Variants in PLXDC2 observed in about 807,000 individuals in gnomAD.
PLXDC2 encodes the protein plexin domain-containing protein 2.
PLXDC2 carries 40 observed loss-of-function variants against 68.9 expected under a neutral mutation model. That is an observed-to-expected ratio of 0.58 (90% confidence interval 0.45 to 0.76). The LOEUF is 0.76. PLXDC2 is among the 30% of genes least tolerant of loss of function. The pLI is 0.00. For synonymous variants in PLXDC2, 243 were observed against 234.2 expected, an observed-to-expected ratio of 1.04 and a Z score of -0.34; for missense variants, 644 against 661.9, an observed-to-expected ratio of 0.97 and a Z score of 0.30.
intron 2 of PLXDC2, among the ~76,000 whole-genome samples, chr10:20,006,322 G>T (rs893525173): frequency 3.3e-5 from 5 of 152,146 alleles, no homozygotes; most frequent in Non-Finnish European, 5.9e-5. Flanking sequence ...TTGTTACAAG[G>T]TCTTGCTTAT....
chr10:19,911,082 C>T (rs1266081089), intron 1 of PLXDC2, among the ~76,000 whole-genome samples: 2 of 151,646 alleles, frequency 1.3e-5, no homozygotes, highest in East Asian at 3.9e-4. Flanking sequence ...AAAGTTTGGA[C>T]CTTCTCGGGG....
At chr10:20,150,261 T>C (rs145851174) in intron 6 of PLXDC2, among the ~76,000 whole-genome samples, 1 of 152,206 alleles carries the variant, frequency 6.6e-6, no homozygotes, top group East Asian at 1.9e-4. Flanking sequence ...TTTGTTTCAA[T>C]AGGTTTTGGG....
At chr10:19,890,676 CTTTTTTT>C (rs56921191) in intron 1 of PLXDC2, among the ~76,000 whole-genome samples, 15 of 61,132 alleles carry the variant, frequency 2.5e-4, no homozygotes, top group Admixed American at 1.1e-3. Context: ...CGCCCGGCTG[CTTTTTTT>C]TTTTTTTTTT....
chr10:19,894,270 T>C (rs372139924), intron 1 of PLXDC2, among the ~76,000 whole-genome samples: 1 of 151,512 alleles, frequency 6.6e-6, no homozygotes, highest in African/African-American at 2.4e-5. Context: ...AAAAAACTGA[T>C]GTTTTCCTTT....
chr10:19,935,322 C>G (rs145895879), intron 1 of PLXDC2, among the ~76,000 whole-genome samples: 26 of 152,336 alleles, frequency 1.7e-4, no homozygotes, highest in African/African-American at 6.0e-4. Flanking sequence ...ATTGCCCTGA[C>G]AGCTGACAGG....
chr10:19,964,528 T>G (rs1272160862), intron 1 of PLXDC2, among the ~76,000 whole-genome samples: 1 of 152,154 alleles, frequency 6.6e-6, no homozygotes, highest in Non-Finnish European at 1.5e-5. Flanking sequence ...ACAATCCCTA[T>G]AGGAAATATA....
intron 7 of PLXDC2, among the ~76,000 whole-genome samples, chr10:20,170,595 T>C (rs1182452870): frequency 2.0e-5 from 3 of 152,154 alleles, no homozygotes; most frequent in Non-Finnish European, 4.4e-5. Flanking sequence ...TAAGCTTAAA[T>C]TTAAAATAAT....
At chr10:20,065,718 G>A (rs1406417656) in intron 3 of PLXDC2, among the ~76,000 whole-genome samples, 3 of 152,328 alleles carry the variant, frequency 2.0e-5, no homozygotes, top group East Asian at 3.9e-4. Flanking sequence ...TAAGGAGCAT[G>A]CAACCTAGAT....
At chr10:20,191,945 T>C (rs1350710120) in intron 9 of PLXDC2, among the ~76,000 whole-genome samples, 1 of 152,042 alleles carries the variant, frequency 6.6e-6, no homozygotes, top group Non-Finnish European at 1.5e-5. Context: ...TATTTTGTAT[T>C]TACTATGTGC....
In PLXDC2 at chr10:19,886,479, G is replaced by A. The variant is rs188445965; in HGVS notation, c.112+69288G>A. Among the ~76,000 whole-genome samples the A allele has an allele frequency of 1.1e-3, 172 of 152,188 alleles. 1 individual carries two copies. Among genetic ancestry groups the A allele is most frequent in the Non-Finnish European group, 2.1e-3 (145 of 68,012 alleles). ...TGCAAAGCTGATTCAATATACACAAGTCAATAAATGTAATCCAGCATATAA... is the reference window on the plus strand; with the variant it reads ...TGCAAAGCTGATTCAATATACACAAATCAATAAATGTAATCCAGCATATAA... On this transcript the variant is annotated intron_variant, in intron 1 of 13. Transcript: ENST00000377252.
intron 13 of PLXDC2, among the ~76,000 whole-genome samples, chr10:20,270,261 T>A (rs1008205355): frequency 1.8e-4 from 28 of 152,084 alleles, no homozygotes; most frequent in African/African-American, 5.3e-4. Flanking sequence ...AATTTAGCAA[T>A]CTTTGTTTGC....
intron 13 of PLXDC2, among the ~76,000 whole-genome samples, chr10:20,250,579 G>A (rs1835663091): frequency 6.6e-6 from 1 of 152,222 alleles, no homozygotes; most frequent in African/African-American, 2.4e-5. Context: ...CATTTGGTCA[G>A]TAGTGGAGTC....
At chr10:20,000,162 A>G (rs1834909964) in intron 1 of PLXDC2, among the ~76,000 whole-genome samples, 1 of 152,182 alleles carries the variant, frequency 6.6e-6, no homozygotes, top group Admixed American at 6.5e-5. Context: ...TTATAAAAAG[A>G]GATATTTTCT....
At chr10:20,204,456 A>G (rs1412613890) in intron 9 of PLXDC2, among the ~76,000 whole-genome samples, 1 of 152,032 alleles carries the variant, frequency 6.6e-6, no homozygotes, top group African/African-American at 2.4e-5. Context: ...ATTCTGGAGG[A>G]TCATTTTTCA....
chr10:20,191,669 G>C (rs11011851), intron 9 of PLXDC2, among the ~76,000 whole-genome samples: 1 of 150,760 alleles, frequency 6.6e-6, no homozygotes, highest in Non-Finnish European at 1.5e-5. Context: ...GGTGGAGGGA[G>C]GGGGGAGGGA....
intron 4 of PLXDC2, among the ~76,000 whole-genome samples, chr10:20,098,458 A>G (rs1477938965): frequency 6.6e-6 from 1 of 151,984 alleles, no homozygotes; most frequent in Non-Finnish European, 1.5e-5. Flanking sequence ...GGCCACCTAG[A>G]GAATCCAGGA....
At chr10:19,827,159 C>G (rs888627008) in intron 1 of PLXDC2, among the ~76,000 whole-genome samples, 1 of 152,044 alleles carries the variant, frequency 6.6e-6, no homozygotes, top group African/African-American at 2.4e-5. Context: ...AAGGGCTACT[C>G]CAAAAAGATA....
intron 13 of PLXDC2, among the ~76,000 whole-genome samples, chr10:20,261,786 G>A (rs902917905): frequency 6.6e-6 from 1 of 152,094 alleles, no homozygotes; most frequent in Non-Finnish European, 1.5e-5. Context: ...CCCGGGAGGC[G>A]GAGGTTGCGG....
intron 4 of PLXDC2, among the ~76,000 whole-genome samples, chr10:20,088,503 G>A (rs971531018): frequency 2.0e-5 from 3 of 152,106 alleles, no homozygotes; most frequent in Non-Finnish European, 4.4e-5. Context: ...TGTTTACATG[G>A]GACACTGCTG....
Sources: gnomAD v4.1 joint callset for allele counts (sites outside exome capture counted in the v4.1 genomes callset) on GRCh38, gnomAD v4.1.1 for gene constraint, MANE v1.5 for transcripts, NCBI Gene and HGNC (gene_info 2026-07-23, HGNC 2026-07-21) for gene names.